Variants in SLC2A13 observed in about 807,000 individuals in gnomAD.
The protein encoded by SLC2A13 is solute carrier family 2 member 13, also known as proton myo-inositol cotransporter.
SLC2A13 carries 32 observed loss-of-function variants against 64.4 expected under a neutral mutation model. The observed-to-expected ratio is 0.50, with a 90% CI of 0.37 to 0.67. The LOEUF (loss-of-function observed/expected upper bound fraction) is 0.67, where lower values mean the gene tolerates loss of function less well. Ranked by LOEUF, SLC2A13 falls within the 30% of genes least tolerant of loss-of-function variation. The pLI is 0.00. For missense variants in SLC2A13, 743 were observed against 829.2 expected (o/e 0.90, Z 1.28); for synonymous variants, 338 against 327.1 (o/e 1.03, Z -0.36).
chr12:39,957,509 C>T (rs1440910617), intron 3 of SLC2A13, among the ~76,000 whole-genome samples: 1 of 152,176 alleles, frequency 6.6e-6, no homozygotes, highest in African/African-American at 2.4e-5. Flanking sequence ...CCACCTGCCA[C>T]TCTATCCAGC....
chr12:40,047,965 C>G, intron 2 of SLC2A13, 86 bp downstream of exon 2: 1 of 1,260,014 alleles, frequency 7.9e-7, no homozygotes, highest in Non-Finnish European at 1.1e-6. Flanking sequence ...AAACACACAG[C>G]TATATTTTGA....
chr12:39,882,581 C>T (rs1305486810), intron 4 of SLC2A13, among the ~76,000 whole-genome samples: 1 of 152,192 alleles, frequency 6.6e-6, no homozygotes, highest in Non-Finnish European at 1.5e-5. Flanking sequence ...CATAGCATTT[C>T]CCTTCTTTCC....
chr12:40,025,464 C>A (rs1181831491), intron 3 of SLC2A13, among the ~76,000 whole-genome samples: 1 of 152,120 alleles, frequency 6.6e-6, no homozygotes, highest in Non-Finnish European at 1.5e-5. Context: ...ATGCAAGTGC[C>A]ATAACCGTCA....
At chr12:39,774,710 A>G (rs1284013754) in intron 7 of SLC2A13, among the ~76,000 whole-genome samples, 1 of 152,076 alleles carries the variant, frequency 6.6e-6, no homozygotes, top group Non-Finnish European at 1.5e-5. Flanking sequence ...TGAGACAATT[A>G]AATCATAGAT....
intron 3 of SLC2A13, among the ~76,000 whole-genome samples, chr12:40,018,264 A>G (rs1450090262): frequency 6.6e-6 from 1 of 152,214 alleles, no homozygotes; most frequent in Non-Finnish European, 1.5e-5. Context: ...AACAGCAGAG[A>G]CAAGTAGTTA....
chr12:39,884,314 A>G (rs550494411), intron 4 of SLC2A13, among the ~76,000 whole-genome samples: 2 of 152,306 alleles, frequency 1.3e-5, no homozygotes, highest in Admixed American at 6.5e-5. Flanking sequence ...GTGAAATTAT[A>G]ATCACAAGGA....
At chr12:40,019,077 A>G (rs1377730982) in intron 3 of SLC2A13, among the ~76,000 whole-genome samples, 9 of 152,156 alleles carry the variant, frequency 5.9e-5, no homozygotes. Flanking sequence ...ATGGAGAGGG[A>G]AGATACTAGA....
intron 4 of SLC2A13, among the ~76,000 whole-genome samples, chr12:39,883,136 T>G (rs1944385270): frequency 6.6e-6 from 1 of 152,214 alleles, no homozygotes; most frequent in African/African-American, 2.4e-5. Context: ...TATATATCAT[T>G]AAATTTTAAT....
chr12:40,069,312 T>C (rs17442290), intron 1 of SLC2A13, among the ~76,000 whole-genome samples: 1 of 152,164 alleles, frequency 6.6e-6, no homozygotes. Context: ...ATGAATGCAA[T>C]TATACATTAT....
intron 1 of SLC2A13, among the ~76,000 whole-genome samples, chr12:40,088,501 AC>A (rs1188442730): frequency 6.6e-6 from 1 of 152,170 alleles, no homozygotes; most frequent in Non-Finnish European, 1.5e-5. Flanking sequence ...AGTAACCATT[AC>A]CTCAACAGCT....
chr12:39,838,779 A>C (rs1342484232), intron 6 of SLC2A13, among the ~76,000 whole-genome samples: 1 of 152,078 alleles, frequency 6.6e-6, no homozygotes, highest in East Asian at 1.9e-4. Context: ...ATTTGAGTTA[A>C]TTTAGAACAT....
chr12:39,950,906 C>A, intron 4 of SLC2A13: 1 of 292,576 alleles, frequency 3.4e-6, no homozygotes, highest in East Asian at 6.1e-5. Context: ...TAATCTCTGG[C>A]AATGCCAGGT....
chr12:39,927,884 T>C (rs1216517083), intron 4 of SLC2A13, among the ~76,000 whole-genome samples: 1 of 152,164 alleles, frequency 6.6e-6, no homozygotes, highest in African/African-American at 2.4e-5. Context: ...TTAAGATAAA[T>C]GGTACATGCC....
In SLC2A13 at chr12:39,916,866, G is replaced by GTGCACAGGTACTAACAA. The variant is rs550371404; in HGVS notation, c.1034+34374_1034+34390dup. ...AGACAATTTGTTCTTCTCACTGGGT[G>GTGCACAGGTACTAACAA]TGCACAGGTACTAACAATTTCACCA... is the stretch of plus-strand genomic sequence containing the variant. On this transcript the variant is annotated intron_variant, in intron 4 of 9. Coordinates refer to ENST00000280871, the MANE Select transcript of SLC2A13 (RefSeq NM_052885.4). Among the ~76,000 whole-genome samples, 292 of 152,204 alleles carry GTGCACAGGTACTAACAA rather than the reference G, an allele frequency of 1.9e-3. 3 individuals carry two copies. Among genetic ancestry groups the GTGCACAGGTACTAACAA allele is most frequent in the Middle Eastern group, 0.017 (5 of 294 alleles).
At chr12:39,817,080 T>C (rs1942360943) in intron 7 of SLC2A13, among the ~76,000 whole-genome samples, 1 of 152,200 alleles carries the variant, frequency 6.6e-6, no homozygotes, top group Admixed American at 6.5e-5. Context: ...ATCCTTCTCT[T>C]TTCATAACAG....
chr12:39,879,505 C>A (rs1425567983), intron 4 of SLC2A13, among the ~76,000 whole-genome samples: 1 of 152,250 alleles, frequency 6.6e-6, no homozygotes, highest in Non-Finnish European at 1.5e-5. Flanking sequence ...GGATGTGGAA[C>A]ATGCAGTCAG....
chr12:39,830,218 C>A lies in SLC2A13; in HGVS notation c.1330G>T (p.Glu444Ter). 1 of 1,612,590 alleles carries A rather than the reference C, an allele frequency of 6.2e-7. No individual in the cohort carries two copies. The highest frequency in any genetic ancestry group is 1.1e-5 in the South Asian group (1 of 90,974). The change falls in exon 7 of 10, where the codon GAA becomes TAA. Residue 444 changes from glutamate (E) to a stop codon, truncating the protein, a stop_gained. Coordinates refer to ENST00000280871, the MANE Select transcript of SLC2A13 (RefSeq NM_052885.4). LOFTEE classifies it high-confidence loss of function. Reference sequence around the variant, plus strand: ...CCGCAGTCTGGATCCAACATACATTCATTACAGTAACTGAAAAATGAAAAG... The same window carrying A: ...CCGCAGTCTGGATCCAACATACATTAATTACAGTAACTGAAAAATGAAAAG... ...ATCTRYSYCN[E>*]CMLDPDCGFC...
intron 1 of SLC2A13, among the ~76,000 whole-genome samples, chr12:40,060,876 T>C (rs1276673365): frequency 2.0e-5 from 3 of 152,116 alleles, no homozygotes; most frequent in Non-Finnish European, 4.4e-5. Flanking sequence ...TCATTAACAG[T>C]TATCTTGTGG....
chr12:40,068,473 A>G (rs1216833038), intron 1 of SLC2A13: 1 of 260,414 alleles, frequency 3.8e-6, no homozygotes, highest in Non-Finnish European at 7.8e-6. Flanking sequence ...GCTTTTTCTT[A>G]TCTAATCATC....
Sources: gnomAD v4.1 joint callset for allele counts (sites outside exome capture counted in the v4.1 genomes callset) on GRCh38, gnomAD v4.1.1 for gene constraint, MANE v1.5 for transcripts, NCBI Gene and HGNC (gene_info 2026-07-23, HGNC 2026-07-21) for gene names.